GXYLT2: variants seen among roughly 807,000 people sequenced by gnomAD.
GXYLT2 encodes the protein glucoside xylosyltransferase 2.
In GXYLT2, 53 loss-of-function variants were observed where a neutral mutation model predicts 45.8. The ratio of observed to expected loss-of-function variants is 1.16; its 90% confidence interval spans 0.93 to 1.46. GXYLT2 has a LOEUF of 1.46. Ranked by LOEUF, GXYLT2 falls within the 40% of genes most tolerant of loss-of-function variation. GXYLT2 has a pLI of 0.00. For synonymous variants in GXYLT2, 219 were observed against 214.2 expected (o/e 1.02, Z -0.19); for missense variants, 551 against 544.4 (o/e 1.01, Z -0.12).
intron 2 of GXYLT2, among the ~76,000 whole-genome samples, chr3:72,911,173 C>T (rs961352733): frequency 2.6e-5 from 4 of 152,048 alleles, no homozygotes; most frequent in African/African-American, 9.7e-5. Context: ...GCGCCATAGT[C>T]CCAGCTACTC....
chr3:72,901,127 A>G (rs533032625), intron 1 of GXYLT2, among the ~76,000 whole-genome samples: 2 of 152,268 alleles, frequency 1.3e-5, no homozygotes, highest in South Asian at 4.1e-4. Flanking sequence ...CGTCTCTATT[A>G]AAAATACAAA....
At chr3:72,952,037 CTG>C (rs1026883492) in intron 3 of GXYLT2, among the ~76,000 whole-genome samples, 6 of 148,440 alleles carry the variant, frequency 4.0e-5, no homozygotes, top group African/African-American at 1.5e-4. Context: ...GAGTCTCACT[CTG>C]TCACCCAGGC....
At chr3:72,966,017 C>T (rs1057260599) in intron 5 of GXYLT2, among the ~76,000 whole-genome samples, 3 of 151,936 alleles carry the variant, frequency 2.0e-5, no homozygotes, top group South Asian at 4.2e-4. Flanking sequence ...AGTCTTACTC[C>T]GTCACCCAGG....
chr3:72,960,030 C>T (rs1003324602), intron 5 of GXYLT2, among the ~76,000 whole-genome samples: 9 of 152,204 alleles, frequency 5.9e-5, no homozygotes, highest in Non-Finnish European at 1.2e-4. Flanking sequence ...ACTGCAACCT[C>T]TGCCTCCTGG....
chr3:72,925,834 A>G (rs1399815570), intron 3 of GXYLT2, among the ~76,000 whole-genome samples: 2 of 152,192 alleles, frequency 1.3e-5, no homozygotes, highest in African/African-American at 4.8e-5. Flanking sequence ...TGAATGACAA[A>G]TGGGTGCTGG....
chr3:72,958,839 C>T (rs908060263), intron 5 of GXYLT2, among the ~76,000 whole-genome samples: 10 of 151,784 alleles, frequency 6.6e-5, no homozygotes, highest in African/African-American at 2.4e-4. Context: ...CCCATGTTGG[C>T]CAGGCTGGTC....
At chr3:72,962,432 AG>A (rs1485421002) in intron 5 of GXYLT2, among the ~76,000 whole-genome samples, 19 of 152,310 alleles carry the variant, frequency 1.2e-4, no homozygotes, top group Non-Finnish European at 1.8e-4. Flanking sequence ...TGGAATTAAG[AG>A]AAGGGAGTGA....
intron 5 of GXYLT2, among the ~76,000 whole-genome samples, chr3:72,959,704 G>A (rs571497176): frequency 9.2e-5 from 14 of 151,590 alleles, no homozygotes; most frequent in Admixed American, 5.9e-4. Context: ...GCACCATCTC[G>A]TCTGACTGCA....
At chr3:72,924,123 G>A (rs1341484637) in intron 3 of GXYLT2, among the ~76,000 whole-genome samples, 1 of 150,672 alleles carries the variant, frequency 6.6e-6, no homozygotes, top group Non-Finnish European at 1.5e-5. Context: ...AGTGAGATGA[G>A]AATGAAGCAA....
At position 72,957,282 on chromosome 3, in the gene GXYLT2, C is replaced by T. The variant is rs770471237; in HGVS notation, c.906C>T (p.Tyr302=). 3.1e-6 allele frequency: 5 copies of T among 1,612,974 alleles called. No individual in the cohort carries two copies. In the Admixed American group the frequency reaches 8.3e-5, roughly 27 times the overall value. The change falls in exon 5 of 7, where the codon TAC becomes TAT. Residue 302 remains tyrosine (Y), a synonymous_variant. Coordinates refer to ENST00000389617, the MANE Select transcript of GXYLT2 (RefSeq NM_001080393.2). The part of the protein sequence containing the change: ...LAWEDMLYPL[Y]QKYKNAITWG... The stretch of plus-strand genomic sequence containing the variant: ...GGGAGGACATGTTGTACCCTCTGTA[C>T]CAGAAGTACAAGAATGCCATCACGT...
chr3:72,955,396 C>T (rs1575811642), intron 4 of GXYLT2, 47 bp downstream of exon 4: 1 of 1,593,516 alleles, frequency 6.3e-7, no homozygotes, highest in South Asian at 1.1e-5. Flanking sequence ...GGGAGTTGGT[C>T]TTGTCAACAG....
chr3:72,892,007 C>A (rs1709191202), intron 1 of GXYLT2, among the ~76,000 whole-genome samples: 2 of 152,066 alleles, frequency 1.3e-5, no homozygotes, highest in Non-Finnish European at 2.9e-5. Context: ...CTCCTTGAGC[C>A]TACATACAGA....
chr3:72,956,781 C>T (rs1446852025), intron 4 of GXYLT2, among the ~76,000 whole-genome samples: 2 of 151,818 alleles, frequency 1.3e-5, no homozygotes, highest in Admixed American at 6.6e-5. Flanking sequence ...TCTCAGCTGC[C>T]TGGGAGGCTG....
intron 3 of GXYLT2, among the ~76,000 whole-genome samples, chr3:72,953,566 A>T (rs901410460): frequency 5.3e-5 from 8 of 152,154 alleles, no homozygotes; most frequent in African/African-American, 1.9e-4. Flanking sequence ...CTAGGATTGA[A>T]ATTAGAATCT....
chr3:72,928,750 TG>T (rs2107109704), intron 3 of GXYLT2, among the ~76,000 whole-genome samples: 1 of 151,086 alleles, frequency 6.6e-6, no homozygotes, highest in Non-Finnish European at 1.5e-5. Flanking sequence ...GATCAGACTG[TG>T]GGGGCAATTT....
At chr3:72,936,442 C>G (rs557539744) in intron 3 of GXYLT2, among the ~76,000 whole-genome samples, 1 of 152,166 alleles carries the variant, frequency 6.6e-6, no homozygotes, top group South Asian at 2.1e-4. Context: ...TCACTTGAGA[C>G]TAGCCTGGCC....
chr3:72,902,928 G>A (rs1440901142), intron 1 of GXYLT2, among the ~76,000 whole-genome samples: 2 of 152,176 alleles, frequency 1.3e-5, no homozygotes, highest in Non-Finnish European at 2.9e-5. Context: ...CAGGAGAATC[G>A]TTTGAACCTG....
At chr3:72,967,773 T>C (rs1710895511) in intron 6 of GXYLT2, 54 bp downstream of exon 6, 2 of 1,520,948 alleles carry the variant, frequency 1.3e-6, no homozygotes, top group East Asian at 2.3e-5. Flanking sequence ...TGAAGCAATA[T>C]TGGCGCTTTA....
chr3:72,961,916 A>C (rs974292449), intron 5 of GXYLT2, among the ~76,000 whole-genome samples: 1 of 152,166 alleles, frequency 6.6e-6, no homozygotes, highest in Non-Finnish European at 1.5e-5. Context: ...GTAGAGGCAG[A>C]ATTCTGCCTG....
Sources: allele counts gnomAD v4.1 joint callset (sites outside exome capture counted in the v4.1 genomes callset), GRCh38; gene constraint gnomAD v4.1.1; transcripts MANE v1.5; gene names NCBI Gene and HGNC (gene_info 2026-07-23, HGNC 2026-07-21).